The following SPOCK3 variants were observed in gnomAD, a reference collection of about 807,000 sequenced individuals.
SPOCK3 encodes the protein testican-3.
Under a neutral mutation model 56.6 loss-of-function variants are expected in SPOCK3, and 30 were observed. The observed-to-expected ratio is 0.53, with a 90% CI of 0.40 to 0.72. The LOEUF is 0.72. SPOCK3 is among the 30% of genes least tolerant of loss of function. The pLI, the probability that SPOCK3 is intolerant of heterozygous loss-of-function variation, is 0.00. For missense variants in SPOCK3, 527 were observed against 530.0 expected (o/e 0.99, Z 0.06); for synonymous variants, 196 against 183.3 (o/e 1.07, Z -0.56).
At chr4:167,032,915 G>A (rs74927528) in intron 3 of SPOCK3, among the ~76,000 whole-genome samples, 3,746 of 151,952 alleles carry the variant, frequency 0.025, 164 homozygotes, top group African/African-American at 0.086. Context: ...ATTTGGGGCC[G>A]ATTTGGATTC....
At chr4:166,763,589 T>C (rs1737538371) in intron 7 of SPOCK3, among the ~76,000 whole-genome samples, 2 of 152,204 alleles carry the variant, frequency 1.3e-5, no homozygotes, top group Admixed American at 6.6e-5. Flanking sequence ...CATAACAAAG[T>C]ACTGTGGAGT....
chr4:166,824,119 C>T (rs1179421771), intron 6 of SPOCK3, among the ~76,000 whole-genome samples: 1 of 151,936 alleles, frequency 6.6e-6, no homozygotes, highest in Non-Finnish European at 1.5e-5. Context: ...AGATAGTGAC[C>T]CCTGGGAGCC....
chr4:167,056,755 G>A (rs866668948), intron 3 of SPOCK3, among the ~76,000 whole-genome samples: 2 of 152,220 alleles, frequency 1.3e-5, no homozygotes, highest in East Asian at 1.9e-4. Context: ...AAAAAGAAAC[G>A]AACAAAGCCT....
chr4:167,083,130 A>G, intron 2 of SPOCK3: 1 of 761,764 alleles, frequency 1.3e-6, no homozygotes, highest in Non-Finnish European at 2.4e-6. Context: ...TTAACTAATT[A>G]CAGCTTTATG....
At chr4:166,743,853 C>T (rs985041788) in intron 8 of SPOCK3, among the ~76,000 whole-genome samples, 16 of 152,196 alleles carry the variant, frequency 1.1e-4, no homozygotes, top group Non-Finnish European at 1.5e-5. Flanking sequence ...GCTTTGCTCA[C>T]TGCTAGCACA....
chr4:166,793,440 G>A (rs1741567228), intron 6 of SPOCK3, among the ~76,000 whole-genome samples: 1 of 152,106 alleles, frequency 6.6e-6, no homozygotes, highest in Non-Finnish European at 1.5e-5. Context: ...GATAGCTGAT[G>A]AGCTGAAAAA....
chr4:166,956,817 C>G (rs550702421), intron 4 of SPOCK3, among the ~76,000 whole-genome samples: 1 of 152,220 alleles, frequency 6.6e-6, no homozygotes, highest in Non-Finnish European at 1.5e-5. Context: ...CCCTTCTCAA[C>G]TTACCCAGTT....
At chr4:167,234,603 C>A, upstream of SPOCK3, 1 of 203,412 alleles carries the variant, frequency 4.9e-6, no homozygotes, top group Non-Finnish European at 1.0e-5. Flanking sequence ...CTCCACCCTC[C>A]CTTCGCGCGC....
At chr4:166,798,391 C>A (rs1156294791) in intron 6 of SPOCK3, among the ~76,000 whole-genome samples, 1 of 152,064 alleles carries the variant, frequency 6.6e-6, no homozygotes, top group African/African-American at 2.4e-5. Flanking sequence ...CAGTAAGAGG[C>A]CCGTTAGAGT....
At chr4:166,841,694 A>T (rs576059423) in intron 6 of SPOCK3, among the ~76,000 whole-genome samples, 13 of 152,314 alleles carry the variant, frequency 8.5e-5, no homozygotes, top group African/African-American at 2.9e-4. Context: ...TAATATTACA[A>T]ATCTTCCCCT....
chr4:167,003,450 T>A (rs1167099998), intron 3 of SPOCK3, among the ~76,000 whole-genome samples: 1 of 152,172 alleles, frequency 6.6e-6, no homozygotes, highest in Non-Finnish European at 1.5e-5. Flanking sequence ...ACACTGTAAA[T>A]ACAGATGCCT....
chr4:166,873,004 A>G (rs966508389), intron 6 of SPOCK3, among the ~76,000 whole-genome samples: 18 of 152,132 alleles, frequency 1.2e-4, no homozygotes, highest in African/African-American at 4.3e-4. Flanking sequence ...GAACTCATCC[A>G]TCATGGAGAG....
At chr4:167,136,462 G>A (rs1400895409) in intron 2 of SPOCK3, among the ~76,000 whole-genome samples, 4 of 152,062 alleles carry the variant, frequency 2.6e-5, no homozygotes, top group African/African-American at 9.7e-5. Context: ...GGTCAACAGT[G>A]AAAGTGAAAC....
At chr4:167,130,644 T>C (rs938438984) in intron 2 of SPOCK3, among the ~76,000 whole-genome samples, 5 of 152,100 alleles carry the variant, frequency 3.3e-5, no homozygotes, top group African/African-American at 1.2e-4. Context: ...ATCAATATAA[T>C]TATCAAAAAA....
chr4:167,071,186 T>G (rs950758385), intron 2 of SPOCK3, among the ~76,000 whole-genome samples: 3 of 152,070 alleles, frequency 2.0e-5, no homozygotes, highest in African/African-American at 4.8e-5. Flanking sequence ...AAAATTCATT[T>G]ATGTCAGAGA....
rs149806320 is a variant in SPOCK3 at position 166,946,111 on chromosome 4, T to G, written c.351-33368A>C. Among the ~76,000 whole-genome samples, 178 of 152,270 alleles carry G rather than the reference T, an allele frequency of 1.2e-3. 1 individual carries two copies. The highest frequency in any genetic ancestry group is 2.2e-3 in the Non-Finnish European group (152 of 68,014). ...CCATAGGCCCTGTTTATCTGGGACA[T>G]TCTTAATTCATTTGGTTATCTCTGT... On this transcript the variant is annotated intron_variant, in intron 4 of 10. Transcript: ENST00000357545.
chr4:167,055,836 G>T (rs932386507), intron 3 of SPOCK3, among the ~76,000 whole-genome samples: 1 of 152,194 alleles, frequency 6.6e-6, no homozygotes, highest in East Asian at 1.9e-4. Flanking sequence ...AGCTCAAGGA[G>T]GCCTGCCTGC....
At chr4:166,763,077 A>C (rs1579143442) in intron 7 of SPOCK3, among the ~76,000 whole-genome samples, 1 of 152,060 alleles carries the variant, frequency 6.6e-6, no homozygotes, top group African/African-American at 2.4e-5. Flanking sequence ...AGCAGAAAGA[A>C]AGAAAACCAA....
intron 4 of SPOCK3, among the ~76,000 whole-genome samples, chr4:166,970,217 A>G (rs1015784093): frequency 6.6e-6 from 1 of 152,150 alleles, no homozygotes; most frequent in Non-Finnish European, 1.5e-5. Context: ...TTCCATCTAC[A>G]TGTAAACATT....
Sources: allele counts gnomAD v4.1 joint callset (sites outside exome capture counted in the v4.1 genomes callset), GRCh38; gene constraint gnomAD v4.1.1; transcripts MANE v1.5; gene names NCBI Gene and HGNC (gene_info 2026-07-23, HGNC 2026-07-21).